RAD52: variants seen among roughly 807,000 people sequenced by gnomAD.
RAD52 encodes the protein RAD52 DNA repair protein.
In RAD52, 47 loss-of-function variants were observed where a neutral mutation model predicts 55.5. That is an observed-to-expected ratio of 0.85 (90% CI 0.67 to 1.08). The LOEUF (loss-of-function observed/expected upper bound fraction) is 1.08. RAD52 is among the 50% of genes least tolerant of loss of function. The pLI, the probability that RAD52 is intolerant of heterozygous loss-of-function variation, is 0.00. For synonymous variants in RAD52, 184 were observed against 198.9 expected, an observed-to-expected ratio of 0.92 and a Z score of 0.63; for missense variants, 468 against 522.8, an observed-to-expected ratio of 0.90 and a Z score of 1.02.
chr12:956,044 T>C (rs949226515), intron 1 of RAD52, among the ~76,000 whole-genome samples: 3 of 152,226 alleles, frequency 2.0e-5, no homozygotes, highest in East Asian at 1.9e-4. Context: ...TCTAAGTTCA[T>C]TGTAGCAATT....
intron 1 of RAD52, among the ~76,000 whole-genome samples, chr12:965,465 G>T (rs931206109): frequency 6.6e-6 from 1 of 151,926 alleles, no homozygotes; most frequent in African/African-American, 2.4e-5. Flanking sequence ...CTGTGGCAGA[G>T]GCTAATGTTG....
At chr12:917,821 C>T (rs1956487758) in intron 7 of RAD52, among the ~76,000 whole-genome samples, 1 of 107,240 alleles carries the variant, frequency 9.3e-6, no homozygotes, top group Admixed American at 1.0e-4. Context: ...CACCAACAAT[C>T]CCAGCTACTC....
chr12:916,267 C>A, intron 9 of RAD52, 77 bp downstream of exon 9: 1 of 1,570,386 alleles, frequency 6.4e-7, no homozygotes, highest in South Asian at 1.2e-5. Flanking sequence ...AGGGTTACCG[C>A]AGAGAATCAG....
chr12:980,483 G>A (rs1276871843), intron 1 of RAD52, among the ~76,000 whole-genome samples: 1 of 151,588 alleles, frequency 6.6e-6, no homozygotes, highest in African/African-American at 2.4e-5. Flanking sequence ...TAGTAGAGAC[G>A]AGGTTGCACC....
intron 1 of RAD52, among the ~76,000 whole-genome samples, chr12:971,883 G>A (rs1262828569): frequency 6.6e-6 from 1 of 152,056 alleles, no homozygotes; most frequent in Non-Finnish European, 1.5e-5. Flanking sequence ...CGAGTAGCTG[G>A]GACTACAGGC....
intron 7 of RAD52, among the ~76,000 whole-genome samples, chr12:921,154 C>T (rs990731649): frequency 1.3e-5 from 2 of 151,354 alleles, no homozygotes; most frequent in African/African-American, 4.9e-5. Flanking sequence ...AGGGAAGTTA[C>T]ACACATAGTT....
chr12:964,503 G>A (rs1056077524), intron 1 of RAD52, among the ~76,000 whole-genome samples: 8 of 152,012 alleles, frequency 5.3e-5, no homozygotes, highest in African/African-American at 9.7e-5. Context: ...AGGAAGTGGA[G>A]GTGGCGGTGA....
chr12:916,879 C>G, intron 7 of RAD52, 59 bp from the exon 8 acceptor site: 1 of 1,557,180 alleles, frequency 6.4e-7, no homozygotes, highest in South Asian at 1.2e-5. Flanking sequence ...CGCTGCTTCT[C>G]CCTGACTCAC....
chr12:928,363 A>C (rs1208989818), intron 5 of RAD52, among the ~76,000 whole-genome samples: 6 of 152,046 alleles, frequency 3.9e-5, no homozygotes, highest in Non-Finnish European at 8.8e-5. Flanking sequence ...AACACACACA[A>C]AAAATTAGGC....
intron 1 of RAD52, among the ~76,000 whole-genome samples, chr12:936,485 T>TA (rs71055107): frequency 0.42 from 56,640 of 134,398 alleles, 11,818 homozygotes; most frequent in East Asian, 0.48. Flanking sequence ...ATTATAAAAG[T>TA]AAAAAAAAAA....
intron 1 of RAD52, among the ~76,000 whole-genome samples, chr12:943,549 A>G (rs1240665345): frequency 2.6e-5 from 4 of 152,090 alleles, no homozygotes; most frequent in Non-Finnish European, 4.4e-5. Context: ...GGGTTTCACT[A>G]TATTGCTCAG....
At chr12:926,066 G>A (rs1592355390) in intron 6 of RAD52, among the ~76,000 whole-genome samples, 2 of 152,276 alleles carry the variant, frequency 1.3e-5, no homozygotes, top group Middle Eastern at 3.4e-3. Flanking sequence ...ATGTTGAAAC[G>A]TGACCTCCAA....
chr12:949,470 CATCTCTACGCTGAGACCTCAGG>C (rs1958446695), intron 1 of RAD52, 110 bp downstream of exon 1: 1 of 152,354 alleles, frequency 6.6e-6, no homozygotes, highest in African/African-American at 2.4e-5. Flanking sequence ...CTGGACTCAG[CATCTCTACGCTGAGACCTCAGG>C]ATCAGGTCCA....
chr12:951,931 T>G (rs1364030181), upstream of RAD52, among the ~76,000 whole-genome samples: 3 of 152,178 alleles, frequency 2.0e-5, no homozygotes, highest in Non-Finnish European at 2.9e-5. Flanking sequence ...TGCATGTTAT[T>G]GTATATATTA....
At chr12:983,075 C>G (rs1322659624) in intron 1 of RAD52, among the ~76,000 whole-genome samples, 2 of 150,424 alleles carry the variant, frequency 1.3e-5, no homozygotes, top group Admixed American at 1.3e-4. Flanking sequence ...GTCTCGAACT[C>G]TTGATCTCAA....
intron 1 of RAD52, chr12:975,066 G>A (rs1958917854): frequency 6.6e-6 from 1 of 152,030 alleles, no homozygotes; most frequent in African/African-American, 2.4e-5. Context: ...TGTTACAACT[G>A]TTCTATTACA....
intron 5 of RAD52, among the ~76,000 whole-genome samples, chr12:928,751 G>A (rs1043417811): frequency 1.3e-5 from 2 of 151,866 alleles, no homozygotes; most frequent in Non-Finnish European, 2.9e-5. Context: ...GGTCAATTGT[G>A]TGTTAACAGT....
At chr12:950,135 G>T (rs1016603678), upstream of RAD52, among the ~76,000 whole-genome samples, 1 of 152,218 alleles carries the variant, frequency 6.6e-6, no homozygotes, top group Non-Finnish European at 1.5e-5. Context: ...ATTCCGCCCG[G>T]GCCGAGGCAG....
At chr12:954,620 C>G (rs1270233509), upstream of RAD52, among the ~76,000 whole-genome samples, 1 of 152,070 alleles carries the variant, frequency 6.6e-6, no homozygotes, top group Non-Finnish European at 1.5e-5. Flanking sequence ...GGCGACAGAG[C>G]AAGACTTCAT....
Sources: gnomAD v4.1 joint callset for allele counts (sites outside exome capture counted in the v4.1 genomes callset) on GRCh38, gnomAD v4.1.1 for gene constraint, MANE v1.5 for transcripts, NCBI Gene and HGNC (gene_info 2026-07-23, HGNC 2026-07-21) for gene names.